Variants in RORA observed in about 807,000 individuals in gnomAD.
RORA encodes the protein RAR related orphan receptor A.
In RORA, 7 loss-of-function variants were observed where a neutral mutation model predicts 69.5. The ratio of observed to expected loss-of-function variants is 0.10; its 90% CI spans 0.06 to 0.19. The LOEUF (loss-of-function observed/expected upper bound fraction) is 0.19, where lower values mean the gene tolerates loss of function less well. RORA is among the 10% of genes least tolerant of loss of function. RORA has a pLI of 1.00. For synonymous variants in RORA, 261 were observed against 240.8 expected (o/e 1.08, Z -0.78); for missense variants, 457 against 663.0 (o/e 0.69, Z 3.41).
chr15:60,717,569 T>C (rs898464590), intron 1 of RORA, among the ~76,000 whole-genome samples: 2 of 152,214 alleles, frequency 1.3e-5, no homozygotes, highest in African/African-American at 4.8e-5. Flanking sequence ...AAAACCTTTA[T>C]CATGTTTTTT....
intron 1 of RORA, among the ~76,000 whole-genome samples, chr15:61,092,843 T>C (rs1410815234): frequency 2.6e-5 from 4 of 152,174 alleles, no homozygotes; most frequent in African/African-American, 9.7e-5. Flanking sequence ...ATCTGAGGCT[T>C]TGAAGCAAGT....
In RORA at chr15:60,531,470, T is replaced by A. The variant is rs2066523867; in HGVS notation, c.282+296A>T. ...ATTGTAGAAGTCTGGAGTTAGCTCT[T>A]TTTTAAAAAAGATTGCCACAGAGAT... On this transcript the variant is annotated intron_variant, in intron 3 of 10. Coordinates refer to ENST00000335670, the MANE Select transcript of RORA (RefSeq NM_134261.3). This position sits in a 1 kb window ranked among gnomAD's most constrained non-coding sequence, Gnocchi z 4.8. 3.4e-6 allele frequency: 1 copy of A among 297,334 alleles called. No individual in the cohort carries two copies. Among genetic ancestry groups the A allele is most frequent in the Non-Finnish European group, 6.1e-6 (1 of 164,056 alleles). 18.4% of individuals were successfully genotyped at this position (297,334 alleles called of 1,614,324 possible).
At chr15:60,979,745 T>TGA (rs964752856) in intron 1 of RORA, among the ~76,000 whole-genome samples, 4 of 151,850 alleles carry the variant, frequency 2.6e-5, no homozygotes, top group African/African-American at 4.8e-5. Flanking sequence ...TGTGTGTGTG[T>TGA]GTGCACGTGT....
chr15:61,088,213 G>A (rs981953301), intron 1 of RORA, among the ~76,000 whole-genome samples: 1 of 152,224 alleles, frequency 6.6e-6, no homozygotes, highest in Non-Finnish European at 1.5e-5. Flanking sequence ...ACCCATCAGA[G>A]AGGGCGAAAT....
chr15:61,148,725 A>G (rs558571606), intron 1 of RORA, among the ~76,000 whole-genome samples: 13 of 152,336 alleles, frequency 8.5e-5, no homozygotes, highest in African/African-American at 2.2e-4. Flanking sequence ...CAAATGTCCA[A>G]TATTATTATG....
intron 1 of RORA, among the ~76,000 whole-genome samples, chr15:61,119,431 C>T (rs1290586998): frequency 2.0e-5 from 3 of 149,484 alleles, no homozygotes; most frequent in African/African-American, 4.9e-5. Context: ...TATATATATA[C>T]ACACACACAA....
At chr15:60,745,735 A>G (rs1302826050) in intron 1 of RORA, among the ~76,000 whole-genome samples, 1 of 152,194 alleles carries the variant, frequency 6.6e-6, no homozygotes, top group Non-Finnish European at 1.5e-5. Flanking sequence ...GGTTTCTGTT[A>G]AAACAGAACA....
intron 1 of RORA, among the ~76,000 whole-genome samples, chr15:60,947,788 C>A (rs1321247264): frequency 6.6e-6 from 1 of 150,810 alleles, no homozygotes; most frequent in East Asian, 1.9e-4. Flanking sequence ...GGGTGCTGTG[C>A]TGCCTGCAGC....
intron 1 of RORA, among the ~76,000 whole-genome samples, chr15:61,121,667 C>T (rs540705518): frequency 6.6e-6 from 1 of 152,170 alleles, no homozygotes; most frequent in East Asian, 1.9e-4. Flanking sequence ...GCCTGCAATC[C>T]AGACTTCCAA....
Position 61,059,117 on chromosome 15 carries a change from T to C in RORA, c.166+169936A>G, listed in dbSNP as rs1595929598. 2.0e-5 allele frequency among the ~76,000 whole-genome samples: 3 copies of C among 152,350 alleles called. No homozygotes were observed. The Middle Eastern group carries it at 0.01, about 518-fold the overall frequency. ...ATGTCTATCAGTCATGGCCTTTCCT[T>C]TCCAATGGGCAGAGGGATGTTACAG... On this transcript the variant is annotated intron_variant, in intron 1 of 10. Coordinates refer to ENST00000335670, the MANE Select transcript of RORA (RefSeq NM_134261.3).
chr15:61,217,473 G>A (rs2080050778), intron 1 of RORA, among the ~76,000 whole-genome samples: 2 of 152,098 alleles, frequency 1.3e-5, no homozygotes, highest in South Asian at 4.1e-4. Flanking sequence ...CAGAGGAGGA[G>A]GGGAAAGGTG....
At chr15:61,171,210 T>G (rs2079582020) in intron 1 of RORA, among the ~76,000 whole-genome samples, 1 of 152,182 alleles carries the variant, frequency 6.6e-6, no homozygotes. Context: ...AATCAAGTTC[T>G]TGCTTCTCCG....
chr15:60,885,943 C>G lies in RORA; in HGVS notation c.167-207257G>C, dbSNP rs114639421. On this transcript the variant is annotated intron_variant, in intron 1 of 10. Transcript: ENST00000335670. ...CCCTGAGCCATCTTGTCTGTGTTAA[C>G]GTCCAATTTTCAAATCTCAGGCAGC... Among the ~76,000 whole-genome samples, 870 of 152,300 alleles carry G rather than the reference C, an allele frequency of 5.7e-3. 7 individuals are homozygous for G. The highest frequency in any genetic ancestry group is 0.02 in the African/African-American group (835 of 41,564).
intron 1 of RORA, among the ~76,000 whole-genome samples, chr15:60,685,212 TA>T (rs1020696741): frequency 6.6e-6 from 1 of 152,140 alleles, no homozygotes; most frequent in African/African-American, 2.4e-5. Flanking sequence ...ATTTTCCAAA[TA>T]AAACCCAAAC....
At chr15:60,916,821 G>T (rs980800454) in intron 1 of RORA, among the ~76,000 whole-genome samples, 2 of 152,200 alleles carry the variant, frequency 1.3e-5, no homozygotes, top group African/African-American at 4.8e-5. Context: ...TGCACGGTGA[G>T]CCCTGATCTG....
chr15:60,827,413 T>C (rs1039649535), intron 1 of RORA, among the ~76,000 whole-genome samples: 1 of 152,226 alleles, frequency 6.6e-6, no homozygotes, highest in African/African-American at 2.4e-5. Context: ...AATGAACTCA[T>C]TTGTTTATTT....
chr15:60,791,410 C>A (rs933252414), intron 1 of RORA, among the ~76,000 whole-genome samples: 4 of 152,212 alleles, frequency 2.6e-5, no homozygotes, highest in African/African-American at 4.8e-5. Context: ...CAATGGAATG[C>A]AGTCAAAAGT....
chr15:60,918,931 G>A (rs563595212), intron 1 of RORA, among the ~76,000 whole-genome samples: 13 of 152,298 alleles, frequency 8.5e-5, no homozygotes, highest in African/African-American at 2.9e-4. Context: ...TAAGGGGTAC[G>A]AAACCCAGGA....
chr15:60,919,078 G>C (rs1891963058), intron 1 of RORA, among the ~76,000 whole-genome samples: 1 of 152,160 alleles, frequency 6.6e-6, no homozygotes, highest in Admixed American at 6.5e-5. Context: ...CACTAGGCAT[G>C]AACCACCCTG....
Sources: gnomAD v4.1 joint callset for allele counts (sites outside exome capture counted in the v4.1 genomes callset) on GRCh38, gnomAD v4.1.1 for gene constraint, Gnocchi (gnomAD v3.1) non-coding constraint, MANE v1.5 for transcripts, NCBI Gene and HGNC (gene_info 2026-07-23, HGNC 2026-07-21) for gene names.